Variants in FHOD3 observed in about 807,000 individuals in gnomAD.
FHOD3 encodes the protein FH1/FH2 domain-containing protein 3.
A neutral mutation model predicts 173.0 loss-of-function variants in FHOD3; 90 were observed. The observed-to-expected ratio is 0.52, with a 90% CI of 0.44 to 0.62. The LOEUF (loss-of-function observed/expected upper bound fraction) is 0.62, where lower values mean the gene tolerates loss of function less well. Among genes scored for constraint, FHOD3 ranks in the 20% least tolerant of loss-of-function variants. FHOD3 has a pLI of 0.00. For synonymous variants in FHOD3, 828 were observed against 823.0 expected (o/e 1.01, Z -0.10); for missense variants, 1,945 against 2,034.7 (o/e 0.96, Z 0.85).
In FHOD3 at chr18:36,602,741, G is replaced by A; in HGVS notation, c.786G>A (p.Leu262=). 6.2e-7 allele frequency: 1 copy of A among 1,614,154 alleles called. No individual in the cohort carries two copies. The highest frequency in any genetic ancestry group is 8.5e-7 in the Non-Finnish European group (1 of 1,179,992). ...EEKDGVDTEL[L]VYAMTLVNKT... ...AAGATGGAGTTGATACGGAGCTACT[G>A]GTTTATGCAATGACTTTGGTGAACA... is the stretch of plus-strand genomic sequence containing the variant. The change falls in exon 8 of 29, where the codon CTG becomes CTA. Residue 262 remains leucine (L), a synonymous_variant. Coordinates refer to ENST00000590592, the MANE Select transcript of FHOD3 (RefSeq NM_001281740.3).
At chr18:36,609,933 C>A (rs2644250) in intron 8 of FHOD3, among the ~76,000 whole-genome samples, 149,199 of 152,246 alleles carry the variant, frequency 0.98, 73,193 homozygotes, top group East Asian at 1. Context: ...CTATAGTTCT[C>A]ATTTTTAAAT....
At chr18:36,678,870 T>C in intron 14 of FHOD3, among the ~76,000 whole-genome samples, 1 of 152,164 alleles carries the variant, frequency 6.6e-6, no homozygotes. Context: ...GCAAATAGTA[T>C]ATAAGTTGCC....
chr18:36,598,696 C>T (rs2030882854), intron 7 of FHOD3, among the ~76,000 whole-genome samples: 1 of 152,026 alleles, frequency 6.6e-6, no homozygotes, highest in South Asian at 2.1e-4. Flanking sequence ...ACTACAGGCA[C>T]CCGCCACCTC....
chr18:36,492,127 T>A (rs1167023686), intron 3 of FHOD3, among the ~76,000 whole-genome samples: 1 of 152,182 alleles, frequency 6.6e-6, no homozygotes, highest in Non-Finnish European at 1.5e-5. Context: ...TTCTTTCCAG[T>A]CCTCCACGTG....
At chr18:36,306,813 A>G (rs1354283214) in intron 1 of FHOD3, among the ~76,000 whole-genome samples, 1 of 152,202 alleles carries the variant, frequency 6.6e-6, no homozygotes, top group African/African-American at 2.4e-5. Flanking sequence ...TTAGAGTTAG[A>G]AGGGAGGAAG....
intron 2 of FHOD3, among the ~76,000 whole-genome samples, chr18:36,356,612 A>G (rs1277722119): frequency 6.6e-6 from 1 of 151,374 alleles, no homozygotes; most frequent in Admixed American, 6.6e-5. Context: ...GACATGTGCC[A>G]CTGTGCCCAG....
chr18:36,387,681 C>T (rs537271276), intron 3 of FHOD3, among the ~76,000 whole-genome samples: 2 of 152,314 alleles, frequency 1.3e-5, no homozygotes, highest in Non-Finnish European at 2.9e-5. Context: ...GAGTTCTAGA[C>T]CTGTTGTTGA....
intron 3 of FHOD3, among the ~76,000 whole-genome samples, chr18:36,394,035 G>A (rs1040205685): frequency 2.0e-5 from 3 of 152,164 alleles, no homozygotes; most frequent in South Asian, 2.1e-4. Context: ...ACAGATGAGC[G>A]TGAGCAGAAT....
chr18:36,672,118 A>G (rs1273270355), intron 14 of FHOD3, among the ~76,000 whole-genome samples: 1 of 152,206 alleles, frequency 6.6e-6, no homozygotes, highest in Non-Finnish European at 1.5e-5. Flanking sequence ...ACAGTGGTAT[A>G]TGAGTTTTGC....
chr18:36,363,956 CA>C, intron 2 of FHOD3, among the ~76,000 whole-genome samples: 1 of 151,414 alleles, frequency 6.6e-6, no homozygotes, highest in South Asian at 2.2e-4. Flanking sequence ...TTCTATAAAA[CA>C]AAAGCCACTC....
chr18:36,623,612 G>A (rs942593238), intron 9 of FHOD3, among the ~76,000 whole-genome samples: 1 of 152,168 alleles, frequency 6.6e-6, no homozygotes, highest in East Asian at 1.9e-4. Context: ...ATGAGATTTT[G>A]TAAAGATAGA....
chr18:36,384,956 C>T (rs531885237), intron 3 of FHOD3, among the ~76,000 whole-genome samples: 1 of 152,108 alleles, frequency 6.6e-6, no homozygotes, highest in African/African-American at 2.4e-5. Flanking sequence ...CCTTACAAAC[C>T]ATTAGAACAC....
At chr18:36,355,293 T>G (rs2046308415) in intron 1 of FHOD3, among the ~76,000 whole-genome samples, 1 of 152,180 alleles carries the variant, frequency 6.6e-6, no homozygotes, top group African/African-American at 2.4e-5. Context: ...AAAGGGCTCC[T>G]TCAGTGGCTT....
chr18:36,355,882 T>A (rs2046336600), intron 2 of FHOD3, among the ~76,000 whole-genome samples: 1 of 152,220 alleles, frequency 6.6e-6, no homozygotes, highest in Non-Finnish European at 1.5e-5. Flanking sequence ...TTTGTGGTAA[T>A]CAAGCACATG....
intron 7 of FHOD3, among the ~76,000 whole-genome samples, chr18:36,599,919 A>G (rs941790720): frequency 6.6e-6 from 1 of 150,730 alleles, no homozygotes; most frequent in Non-Finnish European, 1.5e-5. Flanking sequence ...GCTTGCAGTC[A>G]TCAGGAAAAA....
At chr18:36,347,733 A>C (rs2045938337) in intron 1 of FHOD3, among the ~76,000 whole-genome samples, 2 of 152,204 alleles carry the variant, frequency 1.3e-5, no homozygotes, top group African/African-American at 4.8e-5. Flanking sequence ...TTTAAAAATG[A>C]TTTGTTGGGG....
chr18:36,598,686 A>G (rs2030881075), intron 7 of FHOD3, among the ~76,000 whole-genome samples: 1 of 151,864 alleles, frequency 6.6e-6, no homozygotes, highest in Admixed American at 6.6e-5. Context: ...GAGTAGTTGC[A>G]CTACAGGCAC....
At chr18:36,435,075 T>C (rs1036748525) in intron 3 of FHOD3, among the ~76,000 whole-genome samples, 4 of 150,248 alleles carry the variant, frequency 2.7e-5, no homozygotes, top group African/African-American at 9.8e-5. Context: ...TTACTGATGG[T>C]GAAGGGCAAA....
intron 5 of FHOD3, among the ~76,000 whole-genome samples, chr18:36,514,882 G>A (rs2055877094): frequency 6.6e-6 from 1 of 152,234 alleles, no homozygotes; most frequent in Admixed American, 6.5e-5. Flanking sequence ...ACGGGAGGCT[G>A]GCAGAGTGAG....
Sources: gnomAD v4.1 joint callset for allele counts (sites outside exome capture counted in the v4.1 genomes callset) on GRCh38, gnomAD v4.1.1 for gene constraint, MANE v1.5 for transcripts, NCBI Gene and HGNC (gene_info 2026-07-23, HGNC 2026-07-21) for gene names.